PRKG1: variants seen among roughly 807,000 people sequenced by gnomAD.
The protein encoded by PRKG1 is cGMP-dependent protein kinase 1.
A neutral mutation model predicts 88.1 loss-of-function variants in PRKG1; 35 were observed. That is an observed-to-expected ratio of 0.40 (90% confidence interval 0.30 to 0.53). The LOEUF is 0.53. PRKG1 is among the 20% of genes least tolerant of loss of function. The probability of loss-of-function intolerance (pLI) is 0.59; values close to 1 mark genes in which losing one functional copy is unlikely to be tolerated. For missense variants in PRKG1, 540 were observed against 839.8 expected, an observed-to-expected ratio of 0.64 and a Z score of 4.41; for synonymous variants, 303 against 292.5, an observed-to-expected ratio of 1.04 and a Z score of -0.37.
At chr10:51,249,890 T>C (rs1485488756) in intron 2 of PRKG1, among the ~76,000 whole-genome samples, 1 of 151,824 alleles carries the variant, frequency 6.6e-6, no homozygotes, top group Non-Finnish European at 1.5e-5. Flanking sequence ...AATTATGAAC[T>C]CTAAAATGTC....
intron 7 of PRKG1, among the ~76,000 whole-genome samples, chr10:52,097,451 TA>T (rs1268482444): frequency 6.6e-6 from 1 of 152,136 alleles, no homozygotes; most frequent in East Asian, 1.9e-4. Flanking sequence ...ATTACTGTGT[TA>T]ATATTTGTTT....
chr10:52,161,842 C>T (rs758314754), intron 8 of PRKG1, 47 bp from the exon 9 acceptor site: 18 of 1,541,194 alleles, frequency 1.2e-5, no homozygotes, highest in Non-Finnish European at 1.6e-5. Flanking sequence ...GTTGCCATTG[C>T]TACTATTTTG....
intron 3 of PRKG1, among the ~76,000 whole-genome samples, chr10:51,797,297 T>C (rs1181756903): frequency 3.6e-4 from 54 of 148,948 alleles, no homozygotes. Context: ...TTTATTGTAG[T>C]AAAATATATA....
chr10:51,223,972 TATA>T (rs1375238556), intron 2 of PRKG1, among the ~76,000 whole-genome samples: 1 of 152,170 alleles, frequency 6.6e-6, no homozygotes, highest in Non-Finnish European at 1.5e-5. Context: ...AGCAGGTTTT[TATA>T]ATTCTCTTCT....
intron 1 of PRKG1, among the ~76,000 whole-genome samples, chr10:51,150,823 G>A (rs1175244903): frequency 6.6e-6 from 1 of 152,020 alleles, no homozygotes; most frequent in Non-Finnish European, 1.5e-5. Flanking sequence ...ATAATTCTAA[G>A]GAATTGTGTT....
At chr10:51,999,652 C>A (rs1844542936) in intron 5 of PRKG1, among the ~76,000 whole-genome samples, 1 of 151,812 alleles carries the variant, frequency 6.6e-6, no homozygotes, top group South Asian at 2.1e-4. Context: ...TAATTCTTTT[C>A]TTTAGAATAC....
At chr10:51,640,389 A>G (rs1035418776) in intron 3 of PRKG1, among the ~76,000 whole-genome samples, 4 of 152,154 alleles carry the variant, frequency 2.6e-5, no homozygotes, top group Non-Finnish European at 5.9e-5. Context: ...GATTTTTTTA[A>G]AAAAAATTGG....
intron 12 of PRKG1, among the ~76,000 whole-genome samples, chr10:52,277,969 C>G (rs1274664356): frequency 6.6e-6 from 1 of 152,076 alleles, no homozygotes. Context: ...TGTAAGCTTT[C>G]AAAAAGGCCC....
intron 5 of PRKG1, among the ~76,000 whole-genome samples, chr10:51,948,755 T>G (rs560941602): frequency 4.6e-5 from 7 of 152,276 alleles, no homozygotes; most frequent in African/African-American, 1.4e-4. Flanking sequence ...AAGAAGAAGA[T>G]TCACAAAATC....
intron 5 of PRKG1, among the ~76,000 whole-genome samples, chr10:52,016,402 T>C (rs1415471596): frequency 6.6e-6 from 1 of 152,150 alleles, no homozygotes; most frequent in Non-Finnish European, 1.5e-5. Context: ...AGAACAGCAT[T>C]AGGGAAACTG....
At chr10:51,491,785 C>G (rs1339726938) in intron 3 of PRKG1, among the ~76,000 whole-genome samples, 1 of 152,086 alleles carries the variant, frequency 6.6e-6, no homozygotes, top group Non-Finnish European at 1.5e-5. Flanking sequence ...TCAAATCATA[C>G]TCTCATGAAA....
chr10:51,924,548 C>G (rs1419191194), intron 5 of PRKG1, among the ~76,000 whole-genome samples: 2 of 152,036 alleles, frequency 1.3e-5, no homozygotes, highest in Non-Finnish European at 2.9e-5. Context: ...TTGATATTCT[C>G]TGAGTTTCCT....
intron 3 of PRKG1, among the ~76,000 whole-genome samples, chr10:51,545,916 CCTT>C (rs752996037): frequency 8.6e-5 from 13 of 150,534 alleles, no homozygotes; most frequent in Non-Finnish European, 1.5e-4. Context: ...CTGTTTCTCT[CCTT>C]CTCTTTTTTT....
At chr10:52,260,785 A>G (rs1183348874) in intron 10 of PRKG1, among the ~76,000 whole-genome samples, 5 of 152,052 alleles carry the variant, frequency 3.3e-5, no homozygotes, top group African/African-American at 9.7e-5. Flanking sequence ...ATCACTGCAA[A>G]ATGAAGTAAA....
At chr10:51,190,136 G>A (rs1449299318) in intron 2 of PRKG1, among the ~76,000 whole-genome samples, 1 of 151,964 alleles carries the variant, frequency 6.6e-6, no homozygotes, top group East Asian at 1.9e-4. Flanking sequence ...CTATAGTCTA[G>A]AAGTAGTTCA....
intron 3 of PRKG1, among the ~76,000 whole-genome samples, chr10:51,749,991 A>C (rs951617089): frequency 6.8e-5 from 10 of 147,502 alleles, no homozygotes; most frequent in Non-Finnish European, 1.2e-4. Flanking sequence ...GCTGGAGTGC[A>C]ATGGCGTGAT....
intron 2 of PRKG1, among the ~76,000 whole-genome samples, chr10:51,167,721 T>G (rs1846587958): frequency 6.6e-6 from 1 of 152,152 alleles, no homozygotes; most frequent in South Asian, 2.1e-4. Flanking sequence ...GAGAGAAAGA[T>G]AAATTAGGAA....
At chr10:51,832,566 C>T (rs76320604) in intron 4 of PRKG1, among the ~76,000 whole-genome samples, 6,515 of 151,894 alleles carry the variant, frequency 0.043, 288 homozygotes, top group African/African-American at 0.11. Context: ...TTTTTTTCCA[C>T]CCTCTGTAGG....
At chr10:51,558,422 A>C (rs12257855) in intron 3 of PRKG1, among the ~76,000 whole-genome samples, 32,029 of 152,022 alleles carry the variant, frequency 0.21, 3,620 homozygotes, top group Middle Eastern at 0.26. Context: ...AAAAAAAATT[A>C]ATTTATTTAT....
Sources: allele counts gnomAD v4.1 joint callset (sites outside exome capture counted in the v4.1 genomes callset), GRCh38; gene constraint gnomAD v4.1.1; transcripts MANE v1.5; gene names NCBI Gene and HGNC (gene_info 2026-07-23, HGNC 2026-07-21).